Variants in C1QTNF5 observed in about 807,000 individuals in gnomAD.
C1QTNF5 encodes the protein C1q and TNF related 5, also known as complement C1q tumor necrosis factor-related protein 5.
A neutral mutation model predicts 10.9 loss-of-function variants in C1QTNF5; 5 were observed. The ratio of observed to expected loss-of-function variants is 0.46; its 90% CI spans 0.24 to 0.97. C1QTNF5 has a LOEUF of 0.97. Ranked by LOEUF, C1QTNF5 falls within the 50% of genes least tolerant of loss-of-function variation. The pLI, the probability that C1QTNF5 is intolerant of heterozygous loss-of-function variation, is 0.19. For missense variants in C1QTNF5, 281 were observed against 339.4 expected, an observed-to-expected ratio of 0.83 and a Z score of 1.35; for synonymous variants, 161 against 156.5, an observed-to-expected ratio of 1.03 and a Z score of -0.22.
At chr11:119,342,858 C>T (rs373984029), upstream of C1QTNF5, 9 of 1,612,998 alleles carry the variant, frequency 5.6e-6, no homozygotes, top group Non-Finnish European at 7.6e-6. Context: ...CACCCACTTG[C>T]CCAGGGGCAC....
upstream of C1QTNF5, chr11:119,344,980 G>A (rs765386106): frequency 6.2e-6 from 10 of 1,606,960 alleles, no homozygotes; most frequent in South Asian, 8.9e-5. Context: ...TGTTGAGCGT[G>A]GGGGGAGGCA....
At chr11:119,344,015 C>T (rs1950531458), upstream of C1QTNF5, 1 of 1,606,204 alleles carries the variant, frequency 6.2e-7, no homozygotes, top group Non-Finnish European at 8.5e-7. Flanking sequence ...CCTGTCTCAT[C>T]CCGGGCACCC....
upstream of C1QTNF5, chr11:119,342,639 A>G (rs775425747): frequency 1.9e-6 from 3 of 1,613,600 alleles, no homozygotes; most frequent in Non-Finnish European, 2.5e-6. Flanking sequence ...CATCGCTGCC[A>G]TCGGTGCAGT....
chr11:119,344,306 T>C, upstream of C1QTNF5: 1 of 1,613,658 alleles, frequency 6.2e-7, no homozygotes, highest in Non-Finnish European at 8.5e-7. Flanking sequence ...CATGGAGCAC[T>C]GTGCTTACCA....
Position 119,340,358 on chromosome 11 carries a change from C to T in C1QTNF5, c.40G>A (p.Ala14Thr). The change falls in exon 2 of 3, where the codon GCC (alanine) becomes ACC (threonine). Residue 14 changes from alanine (A) to threonine (T), a missense_variant. Coordinates refer to ENST00000528368, the MANE Select transcript of C1QTNF5 (RefSeq NM_001278431.2). The stretch of plus-strand genomic sequence containing the variant: ...TTGTCGTCCAGTGGGGGCGAGCCGG[C>T]CGCCAGGCCCAGGAGCAGCAGGACG... ...LLVLLLLGLA[A>T]GSPPLDDNKI... The T allele has an allele frequency of 6.5e-7, 1 of 1,543,932 alleles. No homozygotes were observed. Among genetic ancestry groups the T allele is most frequent in the Non-Finnish European group, 8.7e-7 (1 of 1,145,454 alleles).
Position 119,339,938 on chromosome 11 carries a change from C to A in C1QTNF5, c.215-90G>T. On this transcript the variant is annotated intron_variant, in intron 2 of 2. Transcript: ENST00000528368. The surrounding 1 kb of genome is among the most constrained non-coding windows in gnomAD (Gnocchi z 5.4). ...TCTAAGGTCACCGTACCCCTCCCCG[C>A]CCCTGCCTGAGCTTCGGCCAGCGCC... The A allele has an allele frequency of 7.2e-7, 1 of 1,397,408 alleles. No homozygotes were observed. Among genetic ancestry groups the A allele is most frequent in the Non-Finnish European group, 9.3e-7 (1 of 1,076,114 alleles). 86.6% of individuals were successfully genotyped at this position (1,397,408 alleles called of 1,614,324 possible). A position where few individuals can be genotyped will look rare whatever the true frequency, so the allele number is the denominator to read the frequency against.
Position 119,339,500 on chromosome 11 carries a change from G to C in C1QTNF5, c.563C>G (p.Pro188Arg). Residue 188 changes from proline (P) to arginine (R), a missense_variant, in exon 3 of 3, where the codon CCA becomes CGA. Pro to Arg is a moderately radical substitution (Grantham distance 103). Coordinates refer to ENST00000528368, the MANE Select transcript of C1QTNF5 (RefSeq NM_001278431.2). The surrounding 1 kb of genome is among the most constrained non-coding windows in gnomAD (Gnocchi z 5.4). The part of the protein sequence containing the change: ...FFQFFGGWPK[P>R]ASLSGGAMVR... ...CATGGCCCCCCCCGAGAGCGAGGCT[G>C]GCTTGGGCCACCCCCCGAAAAACTG... 1 of 1,613,832 alleles carries C rather than the reference G, an allele frequency of 6.2e-7. No individual in the cohort carries two copies. Among genetic ancestry groups the C allele is most frequent in the Non-Finnish European group, 8.5e-7 (1 of 1,180,004 alleles).
At chr11:119,340,567 G>A in intron 1 of C1QTNF5, 127 bp from the exon 2 acceptor site, 2 of 674,482 alleles carry the variant, frequency 3.0e-6, no homozygotes, top group Non-Finnish European at 4.9e-6. Context: ...TCGCAGGGCC[G>A]AGCATCCGGA....
At chr11:119,345,368 T>C (rs1950551555), upstream of C1QTNF5, 2 of 1,569,416 alleles carry the variant, frequency 1.3e-6, no homozygotes, top group East Asian at 4.5e-5. Flanking sequence ...ATTCTGCTCT[T>C]TAGATAGTGG....
chr11:119,344,542 GGC>G (rs1491424127), upstream of C1QTNF5: 996 of 1,603,980 alleles, frequency 6.2e-4, 10 homozygotes, highest in African/African-American at 0.012. Context: ...GCTGACGGAG[GGC>G]CCGGTTTGAG....
chr11:119,346,138 C>G, the C1QTNF5 span: 1 of 1,598,906 alleles, frequency 6.3e-7, no homozygotes, highest in Non-Finnish European at 8.5e-7. Flanking sequence ...GCAGTCTGGC[C>G]GTAGCCCTCG....
At chr11:119,341,403 C>A, upstream of C1QTNF5, 1 of 677,796 alleles carries the variant, frequency 1.5e-6, no homozygotes, top group Non-Finnish European at 2.5e-6. Flanking sequence ...TGAGCCCCAG[C>A]TGAGGACTTC....
chr11:119,342,843 G>T (rs1950516890), upstream of C1QTNF5: 3 of 1,612,970 alleles, frequency 1.9e-6, no homozygotes, highest in Non-Finnish European at 2.5e-6. Flanking sequence ...TGCCTCTACT[G>T]CCCCCACCCA....
At chr11:119,345,025 G>T, upstream of C1QTNF5, 1 of 1,596,230 alleles carries the variant, frequency 6.3e-7, no homozygotes, top group Non-Finnish European at 8.5e-7. Flanking sequence ...CCAGGTTGGG[G>T]GTGAGGGAGG....
chr11:119,344,069 G>A, upstream of C1QTNF5: 2 of 1,450,238 alleles, frequency 1.4e-6, 1 homozygote, highest in South Asian at 2.3e-5. Flanking sequence ...GGATGGGGTG[G>A]TGCTTTCATC....
rs765574187 is a variant in C1QTNF5, at chr11:119,339,325, T to C, written c.*6A>G. The stretch of plus-strand genomic sequence containing the variant: ...GTGAGAGCATGAGCTCACTTTGCAG[T>C]GGGCACTAAGCAAAGACTGGGGAGC... On this transcript the variant is annotated 3_prime_UTR_variant, in exon 3 of 3. Transcript: ENST00000528368. This position sits in a 1 kb window ranked among gnomAD's most constrained non-coding sequence, Gnocchi z 5.4. 3 of 1,611,328 alleles carry C rather than the reference T, an allele frequency of 1.9e-6. No individual in the cohort carries two copies. The highest frequency in any genetic ancestry group is 2.2e-5 in the East Asian group (1 of 44,792).
At chr11:119,341,543 C>G (rs767848584), upstream of C1QTNF5, 1 of 1,611,324 alleles carries the variant, frequency 6.2e-7, no homozygotes, top group East Asian at 2.2e-5. Context: ...GGGCCGGCTT[C>G]AGGGTCAGGG....
At chr11:119,341,820 C>A, upstream of C1QTNF5, 1 of 1,611,936 alleles carries the variant, frequency 6.2e-7, no homozygotes, top group South Asian at 1.1e-5. Flanking sequence ...GGCTCCTCCC[C>A]TCCCAGGCCC....
upstream of C1QTNF5, chr11:119,343,008 C>A: frequency 6.3e-7 from 1 of 1,598,852 alleles, no homozygotes; most frequent in East Asian, 2.3e-5. Context: ...CAGAACCTGC[C>A]CAAAGCAGAC....
Sources: allele counts gnomAD v4.1 joint callset, GRCh38; gene constraint gnomAD v4.1.1; non-coding constraint Gnocchi (gnomAD v3.1); transcripts MANE v1.5; gene names NCBI Gene and HGNC (gene_info 2026-07-23, HGNC 2026-07-21).